DPH1: variants seen among roughly 807,000 people sequenced by gnomAD.
DPH1 encodes 2-(3-amino-3-carboxypropyl)histidine synthase subunit 1.
In DPH1, 59 loss-of-function variants were observed where a neutral mutation model predicts 55.3. That is an observed-to-expected ratio of 1.07 (90% confidence interval 0.87 to 1.33). The LOEUF is 1.33. Ranked by LOEUF, DPH1 falls within the 40% of genes most tolerant of loss-of-function variation. The pLI is 0.00. For missense variants in DPH1, 628 were observed against 584.8 expected (o/e 1.07, Z -0.76); for synonymous variants, 238 against 235.5 (o/e 1.01, Z -0.10).
chr17:2,043,152 G>A lies in DPH1; in HGVS notation c.*566G>A, dbSNP rs369046809. ...CCTACATCCAGCTCCTCTAGGGGCA[G>A]CCTCCGTCATCCATGCCCTCCCAGG... is the stretch of plus-strand genomic sequence containing the variant. On this transcript the variant is annotated 3_prime_UTR_variant, in exon 13 of 13. Transcript: ENST00000263083. The A allele has an allele frequency of 1.9e-5, 30 of 1,580,202 alleles. No individual in the cohort carries two copies. Among genetic ancestry groups the A allele is most frequent in the Non-Finnish European group, 2.6e-5 (30 of 1,163,034 alleles).
rs777367958 is a variant in DPH1 at position 2,042,592 on chromosome 17, C to T, written c.*19-13C>T. On this transcript the variant is annotated splice_polypyrimidine_tract_variant and intron_variant, in intron 12 of 12. Coordinates refer to ENST00000263083, the MANE Select transcript of DPH1 (RefSeq NM_001383.6). ...ATGCCCTAATCCCATCCTTTTTCCT[C>T]ATATCGCTGTAGGGTCCTGCCCTCC... is the stretch of plus-strand genomic sequence containing the variant. 10 of 1,508,908 alleles carry T rather than the reference C, an allele frequency of 6.6e-6. No individual in the cohort carries two copies. Among genetic ancestry groups the T allele is most frequent in the Non-Finnish European group, 8.8e-6 (10 of 1,130,596 alleles). 93.5% of individuals were successfully genotyped at this position (1,508,908 alleles called of 1,614,324 possible). A position where few individuals can be genotyped will look rare whatever the true frequency, so the allele number is the denominator to read the frequency against.
chr17:2,038,304 G>GT (rs2067457576), intron 6 of DPH1, among the ~76,000 whole-genome samples: 1 of 152,176 alleles, frequency 6.6e-6, no homozygotes, highest in Non-Finnish European at 1.5e-5. Flanking sequence ...GGGTGACAGA[G>GT]TAAGACCCTG....
chr17:2,035,925 G>A, intron 3 of DPH1, 45 bp from the exon 4 acceptor site: 1 of 1,612,450 alleles, frequency 6.2e-7, no homozygotes, highest in Non-Finnish European at 8.5e-7. Flanking sequence ...TCCTACCTCA[G>A]TCCCTGTGTC....
At chr17:2,041,288 C>A in intron 10 of DPH1, 107 bp downstream of exon 10, 1 of 1,480,226 alleles carries the variant, frequency 6.8e-7, no homozygotes. Context: ...TCGTAGATTC[C>A]GGAGTCTGTC....
chr17:2,039,543 A>C, intron 6 of DPH1: 10 of 503,300 alleles, frequency 2.0e-5, no homozygotes, highest in Admixed American at 3.2e-5. Flanking sequence ...ACACCCAGCT[A>C]AGTTTTTGTA....
rs1204687686 is a variant in DPH1, at chr17:2,032,847, C to T, written c.62-658C>T. 2.0e-5 allele frequency among the ~76,000 whole-genome samples: 3 copies of T among 152,200 alleles called. No individual in the cohort carries two copies. In the East Asian group the frequency reaches 5.8e-4, roughly 29 times the overall value. ...CAAGCTCCGCCTCCCGGGTTCACCC[C>T]ATTCTCCTGCCTTAGCTGGGACTAC... is the stretch of plus-strand genomic sequence containing the variant. On this transcript the variant is annotated intron_variant, in intron 1 of 12. Coordinates refer to ENST00000263083, the MANE Select transcript of DPH1 (RefSeq NM_001383.6).
Position 2,041,018 on chromosome 17 carries a change from G to C in DPH1, c.1008-85G>C, listed in dbSNP as rs1270172197. The stretch of plus-strand genomic sequence containing the variant: ...ATAAAGCCTGTTAATGAATGGGTGT[G>C]CTGGGGGCACTGTCATGTTCTTCAG... On this transcript the variant is annotated intron_variant, in intron 9 of 12. Transcript: ENST00000263083. 5.3e-6 allele frequency: 7 copies of C among 1,310,206 alleles called. No individual in the cohort carries two copies. The Admixed American group carries it at 5.9e-5, about 11-fold the overall frequency. 81.2% of individuals were successfully genotyped at this position (1,310,206 alleles called of 1,614,324 possible).
chr17:2,042,425 T>C (rs942020190), intron 12 of DPH1, 180 bp from the exon 13 acceptor site: 83 of 1,249,458 alleles, frequency 6.6e-5, no homozygotes, highest in Non-Finnish European at 8.2e-5. Flanking sequence ...CTTCACCGTC[T>C]TCCTCCGCTG....
rs202219075 is a variant in DPH1 at position 2,041,570 on chromosome 17, C to T, written c.1176C>T (p.Asn392=). 1 of 1,611,346 alleles carries T rather than the reference C, an allele frequency of 6.2e-7. No homozygotes were observed. Among genetic ancestry groups the T allele is most frequent in the Non-Finnish European group, 8.5e-7 (1 of 1,179,068 alleles). ...GCTCCTTGGGGCCCTGGACGGTGAACCACGGCCAGGACCGCCGTCCCCACG... is the reference window on the plus strand; with the variant it reads ...GCTCCTTGGGGCCCTGGACGGTGAATCACGGCCAGGACCGCCGTCCCCACG... ...AGSSLGPWTV[N]HGQDRRPHAP... Residue 392 remains asparagine (N), a synonymous_variant, in exon 11 of 13, where the codon AAC becomes AAT. Transcript: ENST00000263083.
At chr17:2,042,039 C>G (rs1341120338) in intron 12 of DPH1, 164 bp downstream of exon 12, 2 of 1,512,266 alleles carry the variant, frequency 1.3e-6, no homozygotes, top group Non-Finnish European at 1.8e-6. Flanking sequence ...TCGCTCCTTG[C>G]CGGGCATAAT....
intron 6 of DPH1, among the ~76,000 whole-genome samples, chr17:2,038,615 G>A (rs991998528): frequency 6.6e-6 from 1 of 152,210 alleles, no homozygotes. Flanking sequence ...GATCTAGGTT[G>A]CATGATCTTT....
intron 3 of DPH1, among the ~76,000 whole-genome samples, chr17:2,035,306 T>C (rs1390680652): frequency 6.6e-6 from 1 of 150,856 alleles, no homozygotes; most frequent in Non-Finnish European, 1.5e-5. Context: ...GGCCAGAGCC[T>C]CCTCTTCCTG....
intron 6 of DPH1, among the ~76,000 whole-genome samples, chr17:2,038,499 G>A (rs1013430389): frequency 6.6e-6 from 1 of 152,120 alleles, no homozygotes; most frequent in Non-Finnish European, 1.5e-5. Flanking sequence ...GAAGGTGAGG[G>A]GTGGGCCAGC....
chr17:2,030,227 A>T lies in DPH1; in HGVS notation c.58A>T (p.Arg20Ter), dbSNP rs2067312540. The T allele has an allele frequency of 6.3e-7, 1 of 1,583,476 alleles. No homozygotes were observed. Among genetic ancestry groups the T allele is most frequent in the Non-Finnish European group, 8.6e-7 (1 of 1,165,594 alleles). Residue 20 changes from arginine (R) to a stop codon, truncating the protein, a stop_gained, in exon 1 of 13, where the codon AGA (arginine) becomes TGA (stop). Coordinates refer to ENST00000263083, the MANE Select transcript of DPH1 (RefSeq NM_001383.6). LOFTEE classifies it high-confidence loss of function. ...GCAGGGCGGCCGAGACGGCCCTGGC[A>T]GAGGTGGGTGCTGGAACGCTGCGCC... ...AEQGGRDGPGRGRAPRGRVAN... is the reference protein window; with the variant it reads ...AEQGGRDGPG
Position 2,033,583 on chromosome 17 carries a change from G to A in DPH1, c.140G>A (p.Arg47Gln), listed in dbSNP as rs202050177. 6.3e-5 allele frequency: 102 copies of A among 1,614,084 alleles called. No individual in the cohort carries two copies. Among genetic ancestry groups the A allele is most frequent in the East Asian group, 2.0e-4 (9 of 44,886 alleles). Residue 47 changes from arginine (R) to glutamine (Q), a missense_variant, in exon 2 of 13, where the codon CGG becomes CAG. By Grantham distance (43) the Arg-to-Gln change is conservative (BLOSUM62 1). Coordinates refer to ENST00000263083, the MANE Select transcript of DPH1 (RefSeq NM_001383.6). ...AACCCTCAGCTGCAGGCAGCAATCC[G>A]GGTCCTGCCTTCCAACTACAACTTT... ...LKNPQLQAAIRVLPSNYNFEI... is the reference protein window; with the variant it reads ...LKNPQLQAAIQVLPSNYNFEI...
At chr17:2,035,869 GGA>G (rs2067415936) in intron 3 of DPH1, 99 bp from the exon 4 acceptor site, 1 of 1,540,550 alleles carries the variant, frequency 6.5e-7, no homozygotes, top group Non-Finnish European at 8.8e-7. Flanking sequence ...GGAGAGGTAG[GGA>G]GAGAGGAGCT....
intron 12 of DPH1, 135 bp downstream of exon 12, chr17:2,042,010 A>G (rs1446403696): frequency 4.7e-6 from 7 of 1,492,698 alleles, no homozygotes; most frequent in Non-Finnish European, 6.2e-6. Flanking sequence ...TCGGGGAAAG[A>G]CCGCTTCCGG....
chr17:2,034,977 A>C (rs1415915223), intron 3 of DPH1: 4 of 150,556 alleles, frequency 2.7e-5, no homozygotes. Flanking sequence ...ATAAAAAATT[A>C]AGTGCTGTGG....
intron 12 of DPH1, 56 bp downstream of exon 12, chr17:2,041,931 T>A (rs869020): frequency 6.5e-7 from 1 of 1,531,190 alleles, no homozygotes; most frequent in Non-Finnish European, 8.7e-7. Context: ...TGGGAACGCC[T>A]TGGCGCTCCG....
Sources: gnomAD v4.1 joint callset for allele counts (sites outside exome capture counted in the v4.1 genomes callset) on GRCh38, gnomAD v4.1.1 for gene constraint, MANE v1.5 for transcripts, NCBI Gene and HGNC (gene_info 2026-07-23, HGNC 2026-07-21) for gene names.